The following CADM2 variants were observed in gnomAD, a reference collection of about 807,000 sequenced individuals.
The protein encoded by CADM2 is immunoglobulin superfamily member 4D.
In CADM2, 12 loss-of-function variants were observed where a neutral mutation model predicts 49.8. The ratio of observed to expected loss-of-function variants is 0.24; its 90% CI spans 0.15 to 0.39. CADM2 has a LOEUF of 0.39. CADM2 is among the 10% of genes least tolerant of loss of function. CADM2 has a pLI of 1.00. For missense variants in CADM2, 378 were observed against 492.3 expected, an observed-to-expected ratio of 0.77 and a Z score of 2.20; for synonymous variants, 214 against 175.4, an observed-to-expected ratio of 1.22 and a Z score of -1.74.
At chr3:85,650,391 T>A (rs2065009538) in intron 1 of CADM2, among the ~76,000 whole-genome samples, 1 of 152,042 alleles carries the variant, frequency 6.6e-6, no homozygotes, top group African/African-American at 2.4e-5. Flanking sequence ...TTTCGTGATA[T>A]CATATTAAAT....
rs368882476 is a variant in CADM2, at chr3:85,884,246, T to C, written c.391+803T>C. ...TTAGAAGAATTTAAAGATTGATTTT[T>C]TTCCCCCAAGCTTGCTGCCCTCTTT... On this transcript the variant is annotated intron_variant, in intron 4 of 9. Coordinates refer to ENST00000383699, the MANE Select transcript of CADM2 (RefSeq NM_001167675.2). Among the ~76,000 whole-genome samples the C allele has an allele frequency of 3.3e-5, 5 of 152,206 alleles. No individual in the cohort carries two copies. The East Asian group carries it at 9.6e-4, about 29-fold the overall frequency.
chr3:85,230,773 G>T (rs2042267818), intron 1 of CADM2, among the ~76,000 whole-genome samples: 2 of 152,028 alleles, frequency 1.3e-5, no homozygotes, highest in Non-Finnish European at 2.9e-5. Flanking sequence ...AGAAAGAGTT[G>T]TTTTTTTGTG....
rs548132267 is a variant in CADM2, at chr3:85,404,386, A to G, written c.62-322136A>G. Among the ~76,000 whole-genome samples, 13 of 152,258 alleles carry G rather than the reference A, an allele frequency of 8.5e-5. No individual in the cohort carries two copies. In the East Asian group the frequency reaches 2.3e-3, roughly 27 times the overall value. On this transcript the variant is annotated intron_variant, in intron 1 of 9. Coordinates refer to ENST00000383699, the MANE Select transcript of CADM2 (RefSeq NM_001167675.2). ...TTGATTGATTTTCCGCATAAAAAAT[A>G]GTCAAATGAAAGGATGATTGGGTAT...
At chr3:85,662,302 A>G (rs1284587294) in intron 1 of CADM2, among the ~76,000 whole-genome samples, 1 of 151,718 alleles carries the variant, frequency 6.6e-6, no homozygotes, top group East Asian at 1.9e-4. Context: ...TAAAAAATGA[A>G]ATACAATTTC....
chr3:85,505,591 G>C (rs1477233710), intron 1 of CADM2, among the ~76,000 whole-genome samples: 1 of 152,146 alleles, frequency 6.6e-6, no homozygotes, highest in African/African-American at 2.4e-5. Flanking sequence ...TTTTGATTTA[G>C]AGCTCTCCAG....
intron 2 of CADM2, among the ~76,000 whole-genome samples, chr3:85,771,510 T>C (rs1032113584): frequency 6.6e-6 from 1 of 152,110 alleles, no homozygotes; most frequent in African/African-American, 2.4e-5. Flanking sequence ...CGTACTATAC[T>C]TAATATTTTG....
chr3:86,069,327 T>G lies in CADM2; in HGVS notation c.*2544T>G, dbSNP rs1181775104. On this transcript the variant is annotated 3_prime_UTR_variant, in exon 10 of 10. Transcript: ENST00000383699. Reference sequence around the variant, plus strand: ...TAGAACTCTTATAAAACCAGTTAGCTAAAACAACTAGATTATTATACTAGT... The same window carrying G: ...TAGAACTCTTATAAAACCAGTTAGCGAAAACAACTAGATTATTATACTAGT... The G allele has an allele frequency of 1.3e-5, 2 of 151,954 alleles. No individual in the cohort carries two copies. The highest frequency in any genetic ancestry group is 4.8e-5 in the African/African-American group (2 of 41,418). The allele number at this position is 151,954 out of a possible 1,614,324, so 9.4% of individuals were successfully genotyped here.
intron 1 of CADM2, among the ~76,000 whole-genome samples, chr3:85,439,404 C>T (rs118088100): frequency 0.02 from 2,990 of 152,052 alleles, 140 homozygotes; most frequent in South Asian, 0.11. Flanking sequence ...TTGCCCGCCT[C>T]GGCCTATCAA....
intron 8 of CADM2, among the ~76,000 whole-genome samples, chr3:85,999,264 C>CGGT (rs1480625880): frequency 7.4e-6 from 1 of 135,098 alleles, no homozygotes; most frequent in Non-Finnish European, 1.6e-5. Context: ...TTTGGGAGGC[C>CGGT]GAGGGTTGGG....
chr3:85,022,809 CA>C (rs1033033719), intron 1 of CADM2, among the ~76,000 whole-genome samples: 2 of 152,052 alleles, frequency 1.3e-5, no homozygotes, highest in African/African-American at 4.8e-5. Flanking sequence ...CATGATTACA[CA>C]AAATAATACT....
At chr3:85,778,290 CAT>C (rs886351940) in intron 2 of CADM2, among the ~76,000 whole-genome samples, 2 of 152,096 alleles carry the variant, frequency 1.3e-5, no homozygotes, top group African/African-American at 2.4e-5. Context: ...TATACACACA[CAT>C]ATACACAATT....
At position 85,256,268 on chromosome 3, in the gene CADM2, A is replaced by G. The variant is rs139466207; in HGVS notation, c.61+296600A>G. 2.9e-3 allele frequency among the ~76,000 whole-genome samples: 436 copies of G among 151,978 alleles called. 1 individual carries two copies. Among genetic ancestry groups the G allele is most frequent in the Non-Finnish European group, 5.4e-3 (367 of 67,970 alleles). On this transcript the variant is annotated intron_variant, in intron 1 of 9. Coordinates refer to ENST00000383699, the MANE Select transcript of CADM2 (RefSeq NM_001167675.2). ...GGATCACTCTCCTCTTTTTATACCA[A>G]TGTTGCTGCCATTCATAGTAGCATC... is the stretch of plus-strand genomic sequence containing the variant.
intron 2 of CADM2, among the ~76,000 whole-genome samples, chr3:85,763,841 T>G (rs1467503821): frequency 6.6e-6 from 1 of 152,158 alleles, no homozygotes; most frequent in Non-Finnish European, 1.5e-5. Context: ...TTGTTTTCTC[T>G]GTCCTTACCC....
chr3:85,144,103 C>T lies in CADM2; in HGVS notation c.61+184435C>T, dbSNP rs994739412. The stretch of plus-strand genomic sequence containing the variant: ...ATTTGGATTTCTACTGCACCAAAAA[C>T]GTTGTAGGCTCTTACTCAAAACTAC... On this transcript the variant is annotated intron_variant, in intron 1 of 9. Coordinates refer to ENST00000383699, the MANE Select transcript of CADM2 (RefSeq NM_001167675.2). 2.6e-5 allele frequency among the ~76,000 whole-genome samples: 4 copies of T among 152,100 alleles called. No homozygotes were observed. In the East Asian group the frequency reaches 5.8e-4, roughly 22 times the overall value.
In CADM2 at chr3:85,240,488, A is replaced by G. The variant is rs924191861; in HGVS notation, c.61+280820A>G. Among the ~76,000 whole-genome samples, 32 of 151,540 alleles carry G rather than the reference A, an allele frequency of 2.1e-4. 1 individual carries two copies. Among genetic ancestry groups the G allele is most frequent in the African/African-American group, 5.6e-4 (23 of 41,378 alleles). ...CATCAACAACATATTCAATCATAAT[A>G]TATTATCAGACTAGGTTAATAGCTC... On this transcript the variant is annotated intron_variant, in intron 1 of 9. Transcript: ENST00000383699.
At chr3:85,694,352 A>T (rs2066485595) in intron 1 of CADM2, among the ~76,000 whole-genome samples, 3 of 152,190 alleles carry the variant, frequency 2.0e-5, no homozygotes, top group Admixed American at 2.0e-4. Context: ...AGAGGAAGGG[A>T]CACCAATACA....
chr3:85,558,587 A>G (rs937138992), intron 1 of CADM2, among the ~76,000 whole-genome samples: 5 of 152,074 alleles, frequency 3.3e-5, no homozygotes, highest in African/African-American at 1.2e-4. Flanking sequence ...ATTTTCTAGA[A>G]TATCTTCTAT....
chr3:85,600,515 G>T (rs891861682), intron 1 of CADM2, among the ~76,000 whole-genome samples: 1 of 151,888 alleles, frequency 6.6e-6, no homozygotes, highest in Admixed American at 6.6e-5. Flanking sequence ...TTGATAGCAA[G>T]AATGTTTATG....
At chr3:85,037,176 A>T (rs1313130852) in intron 1 of CADM2, among the ~76,000 whole-genome samples, 2 of 152,094 alleles carry the variant, frequency 1.3e-5, no homozygotes. Context: ...TCTCTAAAAA[A>T]AACAAACAAA....
Sources: gnomAD v4.1 joint callset for allele counts (sites outside exome capture counted in the v4.1 genomes callset) on GRCh38, gnomAD v4.1.1 for gene constraint, MANE v1.5 for transcripts, NCBI Gene and HGNC (gene_info 2026-07-23, HGNC 2026-07-21) for gene names.